The following TIAM2 variants were observed in gnomAD, a reference collection of about 807,000 sequenced individuals.
TIAM2 encodes rho guanine nucleotide exchange factor TIAM2.
TIAM2 carries 80 observed loss-of-function variants against 152.9 expected under a neutral mutation model. The observed-to-expected ratio is 0.52, with a 90% CI of 0.44 to 0.63. The LOEUF is 0.63. TIAM2 is among the 30% of genes least tolerant of loss of function. The probability of loss-of-function intolerance (pLI) is 0.00; values close to 1 mark genes in which losing one functional copy is unlikely to be tolerated. For missense variants in TIAM2, 1,965 were observed against 2,120.1 expected (o/e 0.93, Z 1.44); for synonymous variants, 804 against 838.0 (o/e 0.96, Z 0.70).
At position 155,256,538 on chromosome 6, in the gene TIAM2, G is replaced by T; in HGVS notation, c.4523G>T (p.Gly1508Val). The T allele has an allele frequency of 6.2e-7, 1 of 1,614,212 alleles. No homozygotes were observed. The highest frequency in any genetic ancestry group is 1.1e-5 in the South Asian group (1 of 91,078). ...AATTCCTCCAGCAACGAGTGGACCGGTGAGACTGGCAAGGGAACCTTGCTG... is the reference window on the plus strand; with the variant it reads ...AATTCCTCCAGCAACGAGTGGACCGTTGAGACTGGCAAGGGAACCTTGCTG... ...LKNSSSNEWT[G>V]ETGKGTLLDS... The change falls in exon 27 of 27, where the codon GGT (glycine) becomes GTT (valine). Residue 1508 changes from glycine (G) to valine (V), a missense_variant. Physicochemically the swap from Gly to Val is moderately radical, Grantham distance 109. This residue lies in a region of TIAM2 where 935 missense variants were observed against 980.0 expected (regional missense o/e 0.95). Transcript: ENST00000682666.
In TIAM2 at chr6:155,073,250, C is replaced by T. The variant is rs187227984; in HGVS notation, c.-208-17039C>T. ...CAATCTCGGCTCACTGCAACCTCCA[C>T]CTCCCGGGTTCAAGCGATTCTTGTG... On this transcript the variant is annotated intron_variant, in intron 1 of 26. Coordinates refer to ENST00000682666, the MANE Select transcript of TIAM2 (RefSeq NM_012454.4). Among the ~76,000 whole-genome samples the T allele has an allele frequency of 1.8e-3, 265 of 151,228 alleles. 2 individuals carry two copies. Among genetic ancestry groups the T allele is most frequent in the African/African-American group, 6.1e-3 (249 of 41,120 alleles).
chr6:155,244,173 C>T (rs1315883808), intron 17 of TIAM2, 94 bp downstream of exon 17: 6 of 1,207,292 alleles, frequency 5.0e-6, no homozygotes, highest in Non-Finnish European at 7.3e-6. Flanking sequence ...TCTGTTGATC[C>T]CAAAAGAACA....
At chr6:155,206,594 G>A (rs952039004) in intron 14 of TIAM2, among the ~76,000 whole-genome samples, 4 of 152,138 alleles carry the variant, frequency 2.6e-5, no homozygotes, top group Admixed American at 6.6e-5. Flanking sequence ...TGCTCTGGCC[G>A]TGGCACCTTG....
rs778488968 is a variant in TIAM2, at chr6:155,117,051, T to TA, written c.-117-10439_-117-10438insA. ...GAGTGGGACTGAACATTTGATATAT[T>TA]TAAAAAAAAAAAATACATGTTTCAA... On this transcript the variant is annotated intron_variant, in intron 2 of 26. Coordinates refer to ENST00000682666, the MANE Select transcript of TIAM2 (RefSeq NM_012454.4). Among the ~76,000 whole-genome samples, 611 of 141,526 alleles carry TA rather than the reference T, an allele frequency of 4.3e-3. 4 individuals are homozygous for TA. The highest frequency in any genetic ancestry group is 0.011 in the African/African-American group (416 of 38,174). 92.8% of individuals were successfully genotyped at this position (141,526 alleles called of 152,430 possible). A position where few individuals can be genotyped will look rare whatever the true frequency, so the allele number is the denominator to read the frequency against.
intron 1 of TIAM2, among the ~76,000 whole-genome samples, chr6:155,052,246 TAAAACC>T (rs1436532054): frequency 2.6e-5 from 4 of 152,332 alleles, no homozygotes; most frequent in Non-Finnish European, 4.4e-5. Flanking sequence ...CAGAATCTAA[TAAAACC>T]ACCAAGGAGT....
intron 1 of TIAM2, among the ~76,000 whole-genome samples, chr6:155,013,022 C>T (rs563359516): frequency 3.9e-3 from 601 of 152,244 alleles, no homozygotes; most frequent in Non-Finnish European, 7.1e-3. Flanking sequence ...TCTCCCATCT[C>T]GTAAGTCTGG....
At chr6:155,197,997 TAGA>T (rs1167015598) in intron 14 of TIAM2, among the ~76,000 whole-genome samples, 1 of 152,190 alleles carries the variant, frequency 6.6e-6, no homozygotes, top group Non-Finnish European at 1.5e-5. Context: ...GCAGCACAAA[TAGA>T]AGTTTTATCA....
chr6:155,169,070 A>T (rs1405360226), intron 9 of TIAM2, among the ~76,000 whole-genome samples: 1 of 152,126 alleles, frequency 6.6e-6, no homozygotes, highest in Non-Finnish European at 1.5e-5. Flanking sequence ...ATCTTGGCTC[A>T]CTGCAAGCTT....
At chr6:155,183,199 C>A in intron 13 of TIAM2, 38 bp from the exon 14 acceptor site, 1 of 1,596,322 alleles carries the variant, frequency 6.3e-7, no homozygotes, top group South Asian at 1.1e-5. Flanking sequence ...CACAGTAATC[C>A]CTCTCTCTTT....
chr6:155,253,955 C>A lies in TIAM2; in HGVS notation c.4226-18C>A, dbSNP rs568371706. 1 of 1,603,696 alleles carries A rather than the reference C, an allele frequency of 6.2e-7. No individual in the cohort carries two copies. The highest frequency in any genetic ancestry group is 1.3e-5 in the African/African-American group (1 of 74,574). On this transcript the variant is annotated intron_variant, in intron 24 of 26. Coordinates refer to ENST00000682666, the MANE Select transcript of TIAM2 (RefSeq NM_012454.4). Reference sequence around the variant, plus strand: ...TGGGCAAAGTTGTAGACTCTTGTTTCCATTTCCTTTTACATAGGGACAGAA... The same window carrying A: ...TGGGCAAAGTTGTAGACTCTTGTTTACATTTCCTTTTACATAGGGACAGAA...
At chr6:155,038,993 C>T (rs1776972062) in intron 1 of TIAM2, among the ~76,000 whole-genome samples, 1 of 119,156 alleles carries the variant, frequency 8.4e-6, no homozygotes, top group Admixed American at 1.1e-4. Context: ...TAGGGTCTTA[C>T]TCTGTCACCC....
chr6:155,105,983 A>ATTTATTTTAT (rs148796945), intron 2 of TIAM2, among the ~76,000 whole-genome samples: 76,872 of 140,328 alleles, frequency 0.55, 21,713 homozygotes, highest in South Asian at 0.64. Flanking sequence ...GGGTATTTTT[A>ATTTATTTTAT]TTTATTTTAT....
At chr6:155,201,904 T>A (rs1209453629) in intron 14 of TIAM2, among the ~76,000 whole-genome samples, 1 of 152,220 alleles carries the variant, frequency 6.6e-6, no homozygotes, top group Non-Finnish European at 1.5e-5. Context: ...TGACCTCAGG[T>A]TAAATGGACT....
chr6:155,247,293 T>C (rs1005154838), intron 19 of TIAM2, among the ~76,000 whole-genome samples: 13 of 152,182 alleles, frequency 8.5e-5, no homozygotes, highest in African/African-American at 2.9e-4. Context: ...TTTGTGGGTA[T>C]GGTGTAGGGT....
intron 10 of TIAM2, among the ~76,000 whole-genome samples, chr6:155,177,831 A>G (rs567444109): frequency 4.6e-5 from 7 of 152,188 alleles, no homozygotes; most frequent in African/African-American, 9.7e-5. Flanking sequence ...TTCTATACCA[A>G]TGATATCCTC....
intron 5 of TIAM2, among the ~76,000 whole-genome samples, chr6:155,138,542 C>T (rs956702086): frequency 6.6e-6 from 1 of 151,930 alleles, no homozygotes; most frequent in African/African-American, 2.4e-5. Context: ...CCCATCAACT[C>T]GTCATTTACA....
intron 2 of TIAM2, among the ~76,000 whole-genome samples, chr6:155,120,589 A>T (rs1200691018): frequency 6.6e-6 from 1 of 152,174 alleles, no homozygotes; most frequent in Admixed American, 6.5e-5. Context: ...TCCCTGGTAG[A>T]GGTGAATGCT....
intron 14 of TIAM2, among the ~76,000 whole-genome samples, chr6:155,194,410 C>G (rs1781284829): frequency 6.6e-6 from 1 of 152,160 alleles, no homozygotes; most frequent in Non-Finnish European, 1.5e-5. Context: ...AGACAGGCAG[C>G]CCCGGTGCCA....
At position 155,240,695 on chromosome 6, in the gene TIAM2, A is replaced by G; in HGVS notation, c.3334A>G (p.Lys1112Glu). ...CATCCAGGAGCTTGTGGACACAGAG[A>G]AGTCCTACGTGAAGGTAAGGGAAGA... ...KVIQELVDTE[K>E]SYVKDLSCLF... Residue 1112 changes from lysine to glutamate, a missense_variant, in exon 16 of 27, where the codon AAG becomes GAG. Physicochemically the swap from Lys to Glu is moderately conservative, Grantham distance 56. Transcript: ENST00000682666. 1 of 1,612,316 alleles carries G rather than the reference A, an allele frequency of 6.2e-7. No homozygotes were observed. Among genetic ancestry groups the G allele is most frequent in the South Asian group, 1.1e-5 (1 of 91,070 alleles).
Sources: gnomAD v4.1 joint callset for allele counts (sites outside exome capture counted in the v4.1 genomes callset) on GRCh38, gnomAD v4.1.1 for gene constraint, gnomAD v4.1.1 regional missense constraint, MANE v1.5 for transcripts, NCBI Gene and HGNC (gene_info 2026-07-23, HGNC 2026-07-21) for gene names.